FYN: variants seen among roughly 807,000 people sequenced by gnomAD.
FYN encodes tyrosine-protein kinase Fyn.
In FYN, 10 loss-of-function variants were observed where a neutral mutation model predicts 70.2. That is an observed-to-expected ratio of 0.14 (90% CI 0.09 to 0.24). The LOEUF (loss-of-function observed/expected upper bound fraction) is 0.24, where lower values mean the gene tolerates loss of function less well. FYN is among the 10% of genes least tolerant of loss of function. The probability of loss-of-function intolerance (pLI) is 1.00; values close to 1 mark genes in which losing one functional copy is unlikely to be tolerated. For synonymous variants in FYN, 236 were observed against 248.6 expected, an observed-to-expected ratio of 0.95 and a Z score of 0.48; for missense variants, 319 against 673.1, an observed-to-expected ratio of 0.47 and a Z score of 5.82.
chr6:111,750,182 A>T (rs1263933788), intron 3 of FYN, among the ~76,000 whole-genome samples: 1 of 152,166 alleles, frequency 6.6e-6, no homozygotes, highest in East Asian at 1.9e-4. Context: ...TCTCATGTCG[A>T]ATTATAATCC....
At chr6:111,664,475 TA>T (rs976874563) in intron 13 of FYN, among the ~76,000 whole-genome samples, 7 of 151,638 alleles carry the variant, frequency 4.6e-5, no homozygotes, top group Admixed American at 2.6e-4. Flanking sequence ...AGATTTCACT[TA>T]AAAAAAAAGT....
At position 111,804,018 on chromosome 6, in the gene FYN, T is replaced by C. The variant is rs577558928; in HGVS notation, c.-81-23383A>G. ...CTCAAAATGGTTTCCCACGTGCTAA[T>C]TGACTGCGGGGATGAGACAGTGTGG... On this transcript the variant is annotated intron_variant, in intron 2 of 13. Transcript: ENST00000354650. Among the ~76,000 whole-genome samples the C allele has an allele frequency of 2.4e-4, 36 of 152,292 alleles. 1 individual carries two copies. Among genetic ancestry groups the C allele is most frequent in the African/African-American group, 6.7e-4 (28 of 41,570 alleles).
intron 2 of FYN, among the ~76,000 whole-genome samples, chr6:111,783,625 T>C (rs1393474045): frequency 2.0e-5 from 3 of 152,224 alleles, no homozygotes; most frequent in African/African-American, 7.2e-5. Flanking sequence ...CACAGACTAT[T>C]GTATGACTCC....
intron 2 of FYN, among the ~76,000 whole-genome samples, chr6:111,839,500 G>C (rs1773289747): frequency 6.6e-6 from 1 of 152,054 alleles, no homozygotes; most frequent in African/African-American, 2.4e-5. Context: ...CATCAGTATA[G>C]CCTATACTGA....
rs1772983235 is a variant in FYN, at chr6:111,830,510, C to CT, written c.-82+16078dup. 4.2e-5 allele frequency among the ~76,000 whole-genome samples: 4 copies of CT among 96,232 alleles called. No individual in the cohort carries two copies. In the South Asian group the frequency reaches 2.4e-3, roughly 58 times the overall value. The allele number at this position is 96,232 out of a possible 152,430, so 63.1% of individuals were successfully genotyped here. On this transcript the variant is annotated intron_variant, in intron 2 of 13. Coordinates refer to ENST00000354650, the MANE Select transcript of FYN (RefSeq NM_002037.5). ...AGTTAGAAAGTGTGGTAGCACAGTG[C>CT]TGGGAGAGAGTCCAGGGGCAAGATG... is the stretch of plus-strand genomic sequence containing the variant.
intron 12 of FYN, among the ~76,000 whole-genome samples, chr6:111,685,693 T>C (rs887003768): frequency 6.6e-6 from 1 of 152,224 alleles, no homozygotes; most frequent in African/African-American, 2.4e-5. Context: ...TTACACACTT[T>C]AAAATCACAG....
intron 13 of FYN, among the ~76,000 whole-genome samples, chr6:111,666,631 G>C (rs1798022815): frequency 6.6e-6 from 1 of 152,148 alleles, no homozygotes; most frequent in Non-Finnish European, 1.5e-5. Flanking sequence ...TCAGGAGTTC[G>C]AGACCAGCGT....
chr6:111,808,433 G>A (rs6905386), intron 2 of FYN, among the ~76,000 whole-genome samples: 23,070 of 152,116 alleles, frequency 0.15, 2,553 homozygotes, highest in African/African-American at 0.32. Context: ...AAACGCTCAC[G>A]GAAGGGCTGC....
At chr6:111,813,452 T>C (rs1772388352) in intron 2 of FYN, among the ~76,000 whole-genome samples, 1 of 152,204 alleles carries the variant, frequency 6.6e-6, no homozygotes, top group African/African-American at 2.4e-5. Flanking sequence ...CTTGACAATA[T>C]TCCCAGAAAG....
chr6:111,813,622 G>A (rs1339242908), intron 2 of FYN, among the ~76,000 whole-genome samples: 1 of 152,152 alleles, frequency 6.6e-6, no homozygotes, highest in Non-Finnish European at 1.5e-5. Context: ...ACACCATAAT[G>A]AGAAGTTGCA....
chr6:111,846,934 A>T (rs1204080566), intron 1 of FYN, among the ~76,000 whole-genome samples: 1 of 151,264 alleles, frequency 6.6e-6, no homozygotes, highest in African/African-American at 2.4e-5. Flanking sequence ...ACACACACAA[A>T]CACAAACACA....
intron 3 of FYN, among the ~76,000 whole-genome samples, chr6:111,739,116 G>A (rs1002146538): frequency 6.6e-6 from 1 of 152,186 alleles, no homozygotes; most frequent in African/African-American, 2.4e-5. Context: ...AAGTACCAAT[G>A]ACCATGTTGC....
At chr6:111,743,090 C>G (rs960181506) in intron 3 of FYN, among the ~76,000 whole-genome samples, 1 of 152,030 alleles carries the variant, frequency 6.6e-6, no homozygotes. Context: ...CCTCAGCCTC[C>G]CGAGTAGCTG....
At chr6:111,758,725 C>T (rs550162086) in intron 3 of FYN, 1 of 152,458 alleles carries the variant, frequency 6.6e-6, no homozygotes, top group Admixed American at 6.5e-5. Context: ...TGTTTCCTTC[C>T]TTTGGCTTAC....
chr6:111,678,670 A>G (rs1254339146), intron 12 of FYN, among the ~76,000 whole-genome samples: 1 of 152,150 alleles, frequency 6.6e-6, no homozygotes, highest in Non-Finnish European at 1.5e-5. Flanking sequence ...GTGCCCCTCA[A>G]ATGCAACATC....
chr6:111,695,586 T>A (rs1036433733), intron 10 of FYN, among the ~76,000 whole-genome samples: 25 of 152,132 alleles, frequency 1.6e-4, no homozygotes, highest in Admixed American at 6.5e-5. Context: ...GAAAAAAAAA[T>A]TCCCATTAAA....
intron 2 of FYN, among the ~76,000 whole-genome samples, chr6:111,801,952 T>G (rs569519513): frequency 6.6e-6 from 1 of 152,204 alleles, no homozygotes; most frequent in African/African-American, 2.4e-5. Context: ...ATGAAGGGAA[T>G]AGAGAAGCAC....
At chr6:111,862,955 G>A (rs1774005519) in intron 1 of FYN, among the ~76,000 whole-genome samples, 1 of 152,240 alleles carries the variant, frequency 6.6e-6, no homozygotes, top group Non-Finnish European at 1.5e-5. Flanking sequence ...ATGGTAATGG[G>A]CTTCTGGCTA....
chr6:111,772,991 A>C (rs1803510670), intron 3 of FYN, among the ~76,000 whole-genome samples: 3 of 151,716 alleles, frequency 2.0e-5, no homozygotes, highest in South Asian at 2.1e-4. Context: ...GTTATATAAA[A>C]GAATGTCCTT....
Sources: gnomAD v4.1 joint callset for allele counts (sites outside exome capture counted in the v4.1 genomes callset) on GRCh38, gnomAD v4.1.1 for gene constraint, MANE v1.5 for transcripts, NCBI Gene and HGNC (gene_info 2026-07-23, HGNC 2026-07-21) for gene names.